The following PKD1L3 variants were observed in gnomAD, a reference collection of about 807,000 sequenced individuals.
The protein encoded by PKD1L3 is polycystin 1 like 3, transient receptor potential channel interacting, also known as polycystin-1-like protein 3.
In PKD1L3, 239 loss-of-function variants were observed where a neutral mutation model predicts 184.1. The ratio of observed to expected loss-of-function variants is 1.30; its 90% CI spans 1.17 to 1.45. The LOEUF is 1.45. Among genes scored for constraint, PKD1L3 ranks in the 40% most tolerant of loss-of-function variants. The pLI, the probability that PKD1L3 is intolerant of heterozygous loss-of-function variation, is 0.00. For synonymous variants in PKD1L3, 996 were observed against 778.8 expected, an observed-to-expected ratio of 1.28 and a Z score of -4.64; for missense variants, 2,660 against 2,067.2, an observed-to-expected ratio of 1.29 and a Z score of -5.56.
Position 72,000,025 on chromosome 16 carries a change from C to G in PKD1L3, c.-47G>C. On this transcript the variant is annotated 5_prime_UTR_variant, in exon 1 of 30. Transcript: ENST00000620267. The stretch of plus-strand genomic sequence containing the variant: ...AAAAGTGTGGGGGTTTAGCAGCTGC[C>G]TGGTCCTTTAAATATATATATTGGC... The G allele has an allele frequency of 7.2e-7, 1 of 1,390,830 alleles. No homozygotes were observed. Among genetic ancestry groups the G allele is most frequent in the Non-Finnish European group, 9.6e-7 (1 of 1,043,398 alleles). 86.2% of individuals were successfully genotyped at this position (1,390,830 alleles called of 1,614,324 possible). A position where few individuals can be genotyped will look rare whatever the true frequency, so the allele number is the denominator to read the frequency against.
chr16:71,992,274 G>A (rs1201722263), intron 3 of PKD1L3, among the ~76,000 whole-genome samples: 2 of 152,220 alleles, frequency 1.3e-5, no homozygotes, highest in Non-Finnish European at 1.5e-5. Flanking sequence ...TTTTCCCAAT[G>A]AGGAGATTTT....
At chr16:71,930,210 G>T in intron 28 of PKD1L3, 27 bp from the exon 29 acceptor site, 1 of 1,522,816 alleles carries the variant, frequency 6.6e-7, no homozygotes, top group Non-Finnish European at 8.8e-7. Flanking sequence ...AACACTTGCA[G>T]TGACTGACAA....
chr16:71,964,762 T>C (rs972217183), intron 15 of PKD1L3, among the ~76,000 whole-genome samples: 2 of 152,004 alleles, frequency 1.3e-5, no homozygotes, highest in African/African-American at 4.8e-5. Flanking sequence ...AGAACAATGA[T>C]CTGCTGTCCT....
intron 24 of PKD1L3, among the ~76,000 whole-genome samples, chr16:71,940,232 G>A (rs1262984443): frequency 6.6e-6 from 1 of 152,118 alleles, no homozygotes; most frequent in African/African-American, 2.4e-5. Context: ...TTGTTTCCCA[G>A]TGATGCTGTA....
At chr16:71,952,851 A>T in intron 18 of PKD1L3, 43 bp downstream of exon 18, 1 of 1,507,158 alleles carries the variant, frequency 6.6e-7, no homozygotes, top group Non-Finnish European at 8.9e-7. Context: ...ACAAACAAGC[A>T]GGCAATAAAA....
At chr16:71,960,073 G>A (rs1184358388) in intron 16 of PKD1L3, among the ~76,000 whole-genome samples, 1 of 151,700 alleles carries the variant, frequency 6.6e-6, no homozygotes, top group African/African-American at 2.4e-5. Flanking sequence ...AGTGAGCTGT[G>A]ATCCATGTCA....
intron 11 of PKD1L3, among the ~76,000 whole-genome samples, chr16:71,974,131 C>G (rs187659525): frequency 8.5e-5 from 13 of 152,168 alleles, no homozygotes; most frequent in Admixed American, 7.2e-4. Flanking sequence ...AGATAGAAGA[C>G]TAAGGTAACA....
chr16:71,984,039 A>C lies in PKD1L3; in HGVS notation c.963T>G (p.Ala321=). The C allele has an allele frequency of 6.4e-7, 1 of 1,551,850 alleles. No individual in the cohort carries two copies. Among genetic ancestry groups the C allele is most frequent in the Non-Finnish European group, 8.7e-7 (1 of 1,146,900 alleles). Residue 321 remains alanine (A), a synonymous_variant, in exon 6 of 30, where the codon GCT becomes GCG. Coordinates refer to ENST00000620267, the MANE Select transcript of PKD1L3 (RefSeq NM_181536.2). The stretch of plus-strand genomic sequence containing the variant: ...CTCCCAGTCACCCTCCACTTACCTG[A>C]GCTGGCTTAGAAAATCTTGGGGTTA... ...TALTPRFSKP[A]QVNLINSLIY...
rs565293353 is a variant in PKD1L3 at position 71,955,493 on chromosome 16, GTT to G, written c.2613-1194_2613-1193del. ...CACACACATAACAGAATATCATTTA[GTT>G]TTTTGTTTTTGAGACAGGGTCTTGC... On this transcript the variant is annotated intron_variant, in intron 16 of 29. Coordinates refer to ENST00000620267, the MANE Select transcript of PKD1L3 (RefSeq NM_181536.2). 1.6e-4 allele frequency among the ~76,000 whole-genome samples: 25 copies of G among 151,918 alleles called. 1 individual carries two copies. The South Asian group carries it at 5.0e-3, about 31-fold the overall frequency.
intron 16 of PKD1L3, among the ~76,000 whole-genome samples, chr16:71,962,081 A>T (rs2008675): frequency 1.3e-5 from 2 of 152,082 alleles, no homozygotes; most frequent in African/African-American, 2.4e-5. Context: ...CATGCTACCA[A>T]GTCTGGCTAA....
rs1260797401 is a variant in PKD1L3 at position 71,973,345 on chromosome 16, T to A, written c.1932A>T (p.Thr644=). ...TTACTTGGCATCCGGCGCTGCTCCA[T>A]GTCTGGTTGTGGATCTCCCAGTAGT... ...QCYYWEIHNQ[T]WSSAGCQVGP... Residue 644 remains threonine (T), a synonymous_variant, in exon 12 of 30, where the codon ACA becomes ACT. Coordinates refer to ENST00000620267, the MANE Select transcript of PKD1L3 (RefSeq NM_181536.2). 1 of 1,551,688 alleles carries A rather than the reference T, an allele frequency of 6.4e-7. No individual in the cohort carries two copies.
intron 19 of PKD1L3, 37 bp downstream of exon 19, chr16:71,951,527 G>C: frequency 6.6e-7 from 1 of 1,521,152 alleles, no homozygotes; most frequent in Non-Finnish European, 8.9e-7. Context: ...GTGGGAGGCA[G>C]ATGGAAGATT....
At position 71,978,331 on chromosome 16, in the gene PKD1L3, A is replaced by G. The variant is rs1181950413; in HGVS notation, c.1451T>C (p.Val484Ala). The G allele has an allele frequency of 1.3e-6, 2 of 1,550,646 alleles. No individual in the cohort carries two copies. Among genetic ancestry groups the G allele is most frequent in the Non-Finnish European group, 1.7e-6 (2 of 1,146,504 alleles). ...TAGTAACACACTTCCAATGCTTCCA[A>G]CAATGTTTCTGTTGTCCAAATCCTT... is the stretch of plus-strand genomic sequence containing the variant. ...PFKDLDNRNI[V>A]GSIGSVLLSA... The change falls in exon 10 of 30, where the codon GTT becomes GCT. Residue 484 changes from valine to alanine, a missense_variant. Physicochemically the swap from Val to Ala is moderately conservative, Grantham distance 64. Transcript: ENST00000620267.
intron 6 of PKD1L3, among the ~76,000 whole-genome samples, chr16:71,983,017 C>T (rs759626258): frequency 6.6e-6 from 1 of 152,076 alleles, no homozygotes; most frequent in Non-Finnish European, 1.5e-5. Context: ...TTCATATAAC[C>T]TATAAGGGAG....
At position 71,950,238 on chromosome 16, in the gene PKD1L3, C is replaced by A; in HGVS notation, c.3263G>T (p.Gly1088Val). Residue 1088 changes from glycine to valine, a missense_variant, in exon 20 of 30, where the codon GGC (glycine) becomes GTC (valine). Gly to Val is a moderately radical substitution (Grantham distance 109). Coordinates refer to ENST00000620267, the MANE Select transcript of PKD1L3 (RefSeq NM_181536.2). ...RVLQRLKSHLGTLGLTQGHQS... is the reference protein window; with the variant it reads ...RVLQRLKSHLVTLGLTQGHQS... ...GTGACCCTGGGTGAGACCCAGCGTG[C>A]CTAAGTGAGATTTCAGCCTCTGCAG... 3 of 1,551,884 alleles carry A rather than the reference C, an allele frequency of 1.9e-6. No homozygotes were observed. Among genetic ancestry groups the A allele is most frequent in the Non-Finnish European group, 2.6e-6 (3 of 1,147,050 alleles).
At chr16:71,958,921 T>G (rs1390635873) in intron 16 of PKD1L3, among the ~76,000 whole-genome samples, 1 of 146,954 alleles carries the variant, frequency 6.8e-6, no homozygotes, top group African/African-American at 2.5e-5. Context: ...ACGCCGTCTC[T>G]AATAAAATAC....
At chr16:71,961,742 A>G (rs2039289176) in intron 16 of PKD1L3, among the ~76,000 whole-genome samples, 1 of 152,090 alleles carries the variant, frequency 6.6e-6, no homozygotes, top group African/African-American at 2.4e-5. Context: ...GCCTCACTGA[A>G]TTTCTGACCC....
intron 4 of PKD1L3, among the ~76,000 whole-genome samples, chr16:71,989,925 A>AG (rs2040522180): frequency 6.6e-6 from 1 of 151,986 alleles, no homozygotes. Flanking sequence ...AAATACAAAA[A>AG]TTAGCTGGGT....
At chr16:71,945,168 A>G (rs1440316335) in intron 22 of PKD1L3, among the ~76,000 whole-genome samples, 1 of 63,046 alleles carries the variant, frequency 1.6e-5, no homozygotes, top group South Asian at 1.0e-3. Context: ...GCACTGTTCT[A>G]TAGTGGTATT....
Sources: gnomAD v4.1 joint callset for allele counts (sites outside exome capture counted in the v4.1 genomes callset) on GRCh38, gnomAD v4.1.1 for gene constraint, MANE v1.5 for transcripts, NCBI Gene and HGNC (gene_info 2026-07-23, HGNC 2026-07-21) for gene names.